Variants in KCTD8 observed in about 807,000 individuals in gnomAD.
KCTD8 encodes BTB/POZ domain-containing protein KCTD8.
A neutral mutation model predicts 31.5 loss-of-function variants in KCTD8; 27 were observed. That is an observed-to-expected ratio of 0.86 (90% CI 0.63 to 1.18). KCTD8 has a LOEUF of 1.18. Among genes scored for constraint, KCTD8 ranks in the 50% most tolerant of loss-of-function variants. The pLI is 0.00. For synonymous variants in KCTD8, 290 were observed against 280.0 expected (o/e 1.04, Z -0.36); for missense variants, 658 against 647.7 (o/e 1.02, Z -0.17).
intron 1 of KCTD8, chr4:44,293,899 G>T: frequency 5.0e-6 from 2 of 399,292 alleles, no homozygotes; most frequent in Admixed American, 3.0e-5. Context: ...CATAGAGAAT[G>T]AGATAATTCC....
At chr4:44,273,288 A>T (rs973098102) in intron 1 of KCTD8, among the ~76,000 whole-genome samples, 1 of 152,010 alleles carries the variant, frequency 6.6e-6, no homozygotes, top group African/African-American at 2.4e-5. Flanking sequence ...TTGACTATCT[A>T]TTTGAATTTA....
chr4:44,410,091 C>T (rs1337747794), intron 1 of KCTD8, among the ~76,000 whole-genome samples: 3 of 152,056 alleles, frequency 2.0e-5, no homozygotes, highest in Non-Finnish European at 4.4e-5. Flanking sequence ...CACACAATTC[C>T]CTCCCTTGTT....
At chr4:44,202,242 A>T (rs967299314) in intron 1 of KCTD8, among the ~76,000 whole-genome samples, 5 of 152,146 alleles carry the variant, frequency 3.3e-5, no homozygotes, top group African/African-American at 1.2e-4. Flanking sequence ...AGATCTCTCA[A>T]ACTACTTAAA....
chr4:44,370,246 A>T (rs1719747555), intron 1 of KCTD8, among the ~76,000 whole-genome samples: 1 of 152,220 alleles, frequency 6.6e-6, no homozygotes, highest in Admixed American at 6.5e-5. Flanking sequence ...CTATCATTAA[A>T]GCAATACAAT....
intron 1 of KCTD8, among the ~76,000 whole-genome samples, chr4:44,419,760 T>G (rs759074606): frequency 1.3e-5 from 2 of 151,952 alleles, no homozygotes; most frequent in Non-Finnish European, 2.9e-5. Context: ...AAATGACTAG[T>G]TGATGGGCGC....
At chr4:44,253,105 C>T (rs369552119) in intron 1 of KCTD8, among the ~76,000 whole-genome samples, 12 of 151,586 alleles carry the variant, frequency 7.9e-5, no homozygotes, top group Admixed American at 2.6e-4. Context: ...TTTTAATATC[C>T]CCATATTTTA....
chr4:44,346,060 C>T (rs1273700643), intron 1 of KCTD8, among the ~76,000 whole-genome samples: 1 of 152,074 alleles, frequency 6.6e-6, no homozygotes, highest in Admixed American at 6.6e-5. Flanking sequence ...CAAGTTGCTA[C>T]CTTCTTAAAG....
At chr4:44,278,992 T>G (rs1314989596) in intron 1 of KCTD8, among the ~76,000 whole-genome samples, 1 of 152,050 alleles carries the variant, frequency 6.6e-6, no homozygotes, top group Admixed American at 6.6e-5. Flanking sequence ...GAGAGGCACT[T>G]AGTGGAAACA....
chr4:44,370,911 G>A (rs1279747583), intron 1 of KCTD8, among the ~76,000 whole-genome samples: 1 of 152,080 alleles, frequency 6.6e-6, no homozygotes, highest in Non-Finnish European at 1.5e-5. Flanking sequence ...AGAAGATACT[G>A]TAAACTGATA....
intron 1 of KCTD8, among the ~76,000 whole-genome samples, chr4:44,298,287 C>T (rs759630623): frequency 5.9e-5 from 9 of 152,130 alleles, no homozygotes; most frequent in South Asian, 2.1e-4. Flanking sequence ...TCTTCTGTTT[C>T]GGAATTGGGA....
chr4:44,424,243 T>C lies in KCTD8; in HGVS notation c.961+23320A>G, dbSNP rs572921353. Among the ~76,000 whole-genome samples the C allele has an allele frequency of 7.5e-4, 114 of 152,100 alleles. 1 individual carries two copies. The South Asian group carries it at 0.023, about 30-fold the overall frequency. ...GACAATCCTGGGTCTCTCACCACCA[T>C]CCCCCAACACTTCCTCTGGTCATTC... On this transcript the variant is annotated intron_variant, in intron 1 of 1. Coordinates refer to ENST00000360029, the MANE Select transcript of KCTD8 (RefSeq NM_198353.3).
chr4:44,443,556 A>G lies in KCTD8; in HGVS notation c.961+4007T>C, dbSNP rs188027170. On this transcript the variant is annotated intron_variant, in intron 1 of 1. Transcript: ENST00000360029. ...TTACATTTCCCAGCCCAGTTCAGTAACAGCATTAATTCCTAGATCTGGCAT... is the reference window on the plus strand; with the variant it reads ...TTACATTTCCCAGCCCAGTTCAGTAGCAGCATTAATTCCTAGATCTGGCAT... 8.5e-5 allele frequency among the ~76,000 whole-genome samples: 13 copies of G among 152,338 alleles called. No homozygotes were observed. The East Asian group carries it at 1.5e-3, about 18-fold the overall frequency.
Position 44,226,886 on chromosome 4 carries a change from TG to T in KCTD8, c.962-51637del, listed in dbSNP as rs200260140. On this transcript the variant is annotated intron_variant, in intron 1 of 1. Coordinates refer to ENST00000360029, the MANE Select transcript of KCTD8 (RefSeq NM_198353.3). The stretch of plus-strand genomic sequence containing the variant: ...TCCTTTGCCCACTTTTAGATGGAGT[TG>T]TTTTTTTTTTCTTGTAAATATGTTT... Among the ~76,000 whole-genome samples, 1,464 of 150,834 alleles carry T rather than the reference TG, an allele frequency of 9.7e-3. 6 individuals are homozygous for T. The highest frequency in any genetic ancestry group is 0.015 in the Non-Finnish European group (1,007 of 67,982).
chr4:44,404,212 A>G (rs1720732091), intron 1 of KCTD8, among the ~76,000 whole-genome samples: 1 of 152,204 alleles, frequency 6.6e-6, no homozygotes, highest in South Asian at 2.1e-4. Flanking sequence ...GTCATATATA[A>G]TTGTCATATA....
At chr4:44,191,480 A>G (rs567354948) in intron 1 of KCTD8, among the ~76,000 whole-genome samples, 2 of 152,294 alleles carry the variant, frequency 1.3e-5, no homozygotes, top group African/African-American at 4.8e-5. Context: ...GAGCCTATAA[A>G]TGGATGTGCA....
chr4:44,378,857 T>C (rs944465015), intron 1 of KCTD8, among the ~76,000 whole-genome samples: 2 of 152,126 alleles, frequency 1.3e-5, no homozygotes, highest in Non-Finnish European at 2.9e-5. Context: ...AGTCCAAAAT[T>C]ATTCTTAGTG....
At chr4:44,360,681 T>C (rs1210889210) in intron 1 of KCTD8, among the ~76,000 whole-genome samples, 1 of 152,024 alleles carries the variant, frequency 6.6e-6, no homozygotes, top group East Asian at 1.9e-4. Context: ...CCTCAAGAGA[T>C]GCTTTCTAAA....
chr4:44,262,655 T>C (rs569849733), intron 1 of KCTD8, among the ~76,000 whole-genome samples: 5 of 152,210 alleles, frequency 3.3e-5, no homozygotes, highest in Middle Eastern at 3.4e-3. Flanking sequence ...TTTTTGTTAA[T>C]GTCTTAAGGG....
rs552859844 is a variant in KCTD8, at chr4:44,302,479, C to A, written c.962-127229G>T. Among the ~76,000 whole-genome samples the A allele has an allele frequency of 1.4e-4, 22 of 152,104 alleles. No individual in the cohort carries two copies. The South Asian group carries it at 3.7e-3, about 26-fold the overall frequency. ...CTAAGTATTTTATTCTCTTTGAAGC[C>A]ATTGTGAATGGGAGTTCACTCATGA... is the stretch of plus-strand genomic sequence containing the variant. On this transcript the variant is annotated intron_variant, in intron 1 of 1. Transcript: ENST00000360029.
Sources: gnomAD v4.1 joint callset for allele counts (sites outside exome capture counted in the v4.1 genomes callset) on GRCh38, gnomAD v4.1.1 for gene constraint, MANE v1.5 for transcripts, NCBI Gene and HGNC (gene_info 2026-07-23, HGNC 2026-07-21) for gene names.